UTP6: variants seen among roughly 807,000 people sequenced by gnomAD.
The protein encoded by UTP6 is UTP6 small subunit processome component, also known as U3 small nucleolar RNA-associated protein 6 homolog.
Under a neutral mutation model 96.5 loss-of-function variants are expected in UTP6, and 60 were observed. The observed-to-expected ratio is 0.62, with a 90% CI of 0.51 to 0.77. The LOEUF (loss-of-function observed/expected upper bound fraction) is 0.77. UTP6 is among the 30% of genes least tolerant of loss of function. The probability of loss-of-function intolerance (pLI) is 0.00; values close to 1 mark genes in which losing one functional copy is unlikely to be tolerated. For synonymous variants in UTP6, 215 were observed against 240.1 expected (o/e 0.90, Z 0.96); for missense variants, 637 against 706.5 (o/e 0.90, Z 1.12).
intron 4 of UTP6, 120 bp from the exon 5 acceptor site, chr17:31,892,914 T>A (rs183989210): frequency 1.7e-5 from 19 of 1,138,256 alleles, no homozygotes; most frequent in Non-Finnish European, 2.2e-5. Flanking sequence ...GGCTCACACC[T>A]GTAATCCCAC....
chr17:31,879,174 G>T (rs779344632), intron 11 of UTP6, among the ~76,000 whole-genome samples: 19 of 152,128 alleles, frequency 1.2e-4, no homozygotes, highest in Non-Finnish European at 2.4e-4. Flanking sequence ...CTGATCACCT[G>T]AAGTCAGGAG....
rs374174017 is a variant in UTP6 at position 31,892,769 on chromosome 17, T to C, written c.338A>G (p.Tyr113Cys). ...WKDDVQLWLSYVAFCKKWATK... is the reference protein window; with the variant it reads ...WKDDVQLWLSCVAFCKKWATK... ...CACCCACTTCTTACAAAAAGCCACA[T>C]AGGAGAGCCAAAGTTGAACATCGTC... Residue 113 changes from tyrosine to cysteine, a missense_variant, in exon 5 of 19, where the codon TAT becomes TGT. Tyr to Cys is a radical substitution (Grantham distance 194, BLOSUM62 -2). Transcript: ENST00000261708. 1.2e-6 allele frequency: 2 copies of C among 1,614,102 alleles called. No homozygotes were observed. Among genetic ancestry groups the C allele is most frequent in the South Asian group, 1.1e-5 (1 of 91,082 alleles).
At chr17:31,895,329 T>C (rs992294901) in intron 2 of UTP6, among the ~76,000 whole-genome samples, 6 of 152,210 alleles carry the variant, frequency 3.9e-5, no homozygotes, top group African/African-American at 1.4e-4. Flanking sequence ...GCTTCAAATC[T>C]TTTTTAGAAA....
rs1428535566 is a variant in UTP6, at chr17:31,901,699, G to T, written c.-72C>A. On this transcript the variant is annotated 5_prime_UTR_variant, in exon 1 of 19. Coordinates refer to ENST00000261708, the MANE Select transcript of UTP6 (RefSeq NM_018428.3). ...ACGAGCAGGAAGCTCCCGGTTTCAG[G>T]TTCGGAGACCCAGCCCTACCACCGA... is the stretch of plus-strand genomic sequence containing the variant. 1 of 1,476,094 alleles carries T rather than the reference G, an allele frequency of 6.8e-7. No individual in the cohort carries two copies. Among genetic ancestry groups the T allele is most frequent in the Non-Finnish European group, 9.4e-7 (1 of 1,064,592 alleles). 91.4% of individuals were successfully genotyped at this position (1,476,094 alleles called of 1,614,324 possible). A position where few individuals can be genotyped will look rare whatever the true frequency, so the allele number is the denominator to read the frequency against.
intron 11 of UTP6, among the ~76,000 whole-genome samples, chr17:31,879,544 C>T (rs138856313): frequency 2.8e-4 from 43 of 151,830 alleles, no homozygotes; most frequent in Admixed American, 1.2e-3. Flanking sequence ...TGGAGGCATG[C>T]GCCTGTAGAC....
chr17:31,880,625 C>T lies in UTP6; in HGVS notation c.915G>A (p.Lys305=), dbSNP rs1440345380. 1 of 1,614,026 alleles carries T rather than the reference C, an allele frequency of 6.2e-7. No homozygotes were observed. Among genetic ancestry groups the T allele is most frequent in the Non-Finnish European group, 8.5e-7 (1 of 1,180,036 alleles). Residue 305 remains lysine, a synonymous_variant, in exon 11 of 19, where the codon AAG becomes AAA. Coordinates refer to ENST00000261708, the MANE Select transcript of UTP6 (RefSeq NM_018428.3). ...CATACACAGCACAGCACCTCTCCTC[C>T]TTCCGGCCGACCTCCACTGCTTTGG... is the stretch of plus-strand genomic sequence containing the variant. The part of the protein sequence containing the change: ...KQAKAVEVGR[K]EERCCAVYEE...
In UTP6 at chr17:31,870,451, T is replaced by C. The variant is rs537120994; in HGVS notation, c.1497-2339A>G. ...TTTTTTCACATGTATGCTGGCTGCCTTCAATACAGCTATTATGTTTGTTTT... is the reference window on the plus strand; with the variant it reads ...TTTTTTCACATGTATGCTGGCTGCCCTCAATACAGCTATTATGTTTGTTTT... On this transcript the variant is annotated intron_variant, in intron 16 of 18. Coordinates refer to ENST00000261708, the MANE Select transcript of UTP6 (RefSeq NM_018428.3). 2.6e-5 allele frequency among the ~76,000 whole-genome samples: 4 copies of C among 152,292 alleles called. No homozygotes were observed. The East Asian group carries it at 5.8e-4, about 22-fold the overall frequency.
At chr17:31,878,068 A>C (rs1910603130) in intron 13 of UTP6, among the ~76,000 whole-genome samples, 182 bp downstream of exon 13, 1 of 152,010 alleles carries the variant, frequency 6.6e-6, no homozygotes, top group African/African-American at 2.4e-5. Context: ...TCCCTTTGCT[A>C]GTACAGATTT....
chr17:31,894,766 T>C (rs778945712), intron 3 of UTP6, 29 bp from the exon 4 acceptor site: 85 of 1,560,528 alleles, frequency 5.4e-5, no homozygotes, highest in African/African-American at 8.1e-5. Flanking sequence ...AAACAGAGCC[T>C]CAACTTAATC....
At chr17:31,879,951 C>T (rs1166364959) in intron 11 of UTP6, among the ~76,000 whole-genome samples, 1 of 151,866 alleles carries the variant, frequency 6.6e-6, no homozygotes, top group African/African-American at 2.4e-5. Context: ...ACTAAAAATA[C>T]AAAAATTAGC....
intron 16 of UTP6, among the ~76,000 whole-genome samples, chr17:31,870,242 A>G (rs1249879737): frequency 3.9e-5 from 6 of 152,166 alleles, no homozygotes; most frequent in Non-Finnish European, 8.8e-5. Flanking sequence ...TCTTCCAGAA[A>G]TCTCCAGCTG....
chr17:31,893,206 G>A (rs1271361337), intron 4 of UTP6, among the ~76,000 whole-genome samples: 10 of 152,058 alleles, frequency 6.6e-5, no homozygotes, highest in African/African-American at 2.2e-4. Context: ...CCGGGAGGCC[G>A]AGATCGGGCC....
At chr17:31,899,867 C>T (rs934244051) in intron 1 of UTP6, 137 bp from the exon 2 acceptor site, 15 of 657,234 alleles carry the variant, frequency 2.3e-5, no homozygotes, top group Admixed American at 1.4e-4. Context: ...TATTATCGGC[C>T]GGACACAGTG....
chr17:31,878,019 T>A (rs1910599617), intron 13 of UTP6, among the ~76,000 whole-genome samples: 1 of 151,000 alleles, frequency 6.6e-6, no homozygotes. Flanking sequence ...ACCCAAATCA[T>A]GACTCTTGTT....
chr17:31,895,009 A>G lies in UTP6; in HGVS notation c.180T>C (p.Tyr60=), dbSNP rs1215376074. The change falls in exon 3 of 19, where the codon TAT becomes TAC. Residue 60 remains tyrosine, a splice_region_variant and synonymous_variant. Coordinates refer to ENST00000261708, the MANE Select transcript of UTP6 (RefSeq NM_018428.3). ...FKEDFINYVQ[Y]EINLLELIQR... ...GGATCAGCTCCAAAAGATTAATTTC[A>G]TACTATGAAAGAAAAACATACAAAA... 6.5e-7 allele frequency: 1 copy of G among 1,526,842 alleles called. No homozygotes were observed. Among genetic ancestry groups the G allele is most frequent in the Non-Finnish European group, 8.8e-7 (1 of 1,131,314 alleles). The allele number at this position is 1,526,842 out of a possible 1,614,324, so 94.6% of individuals were successfully genotyped here.
intron 9 of UTP6, among the ~76,000 whole-genome samples, chr17:31,885,561 G>A (rs1309862989): frequency 6.6e-6 from 1 of 151,962 alleles, no homozygotes; most frequent in Non-Finnish European, 1.5e-5. Context: ...AGGCCAAGGC[G>A]GGCAGGTCAC....
intron 9 of UTP6, among the ~76,000 whole-genome samples, chr17:31,885,409 T>G (rs1343890883): frequency 6.6e-6 from 1 of 150,586 alleles, no homozygotes; most frequent in Non-Finnish European, 1.5e-5. Flanking sequence ...CCTCCCAAAG[T>G]GCTGGGATTA....
chr17:31,900,744 G>A (rs1236139101), intron 1 of UTP6, among the ~76,000 whole-genome samples: 4 of 152,110 alleles, frequency 2.6e-5, no homozygotes, highest in East Asian at 1.9e-4. Context: ...TTACTACGAA[G>A]GACTTACGGG....
At chr17:31,872,825 ACCG>A (rs201340393) in intron 16 of UTP6, among the ~76,000 whole-genome samples, 2 of 152,060 alleles carry the variant, frequency 1.3e-5, no homozygotes, top group Admixed American at 6.6e-5. Flanking sequence ...ACATGATGAA[ACCG>A]TCTCTACTAA....
Sources: allele counts gnomAD v4.1 joint callset (sites outside exome capture counted in the v4.1 genomes callset), GRCh38; gene constraint gnomAD v4.1.1; transcripts MANE v1.5; gene names NCBI Gene and HGNC (gene_info 2026-07-23, HGNC 2026-07-21).